The following ARHGEF26 variants were observed in gnomAD, a reference collection of about 807,000 sequenced individuals.
ARHGEF26 encodes the protein Rho guanine nucleotide exchange factor (GEF) 26.
A neutral mutation model predicts 89.4 loss-of-function variants in ARHGEF26; 59 were observed. The observed-to-expected ratio is 0.66, with a 90% confidence interval of 0.54 to 0.82. The LOEUF (loss-of-function observed/expected upper bound fraction) is 0.82, where lower values mean the gene tolerates loss of function less well. Ranked by LOEUF, ARHGEF26 falls within the 40% of genes least tolerant of loss-of-function variation. The pLI is 0.00. For missense variants in ARHGEF26, 1,234 were observed against 1,085.6 expected, an observed-to-expected ratio of 1.14 and a Z score of -1.92; for synonymous variants, 500 against 428.4, an observed-to-expected ratio of 1.17 and a Z score of -2.06.
intron 6 of ARHGEF26, among the ~76,000 whole-genome samples, chr3:154,161,330 G>GT (rs1559870114): frequency 2.0e-5 from 1 of 50,138 alleles, no homozygotes; most frequent in Non-Finnish European, 4.2e-5. Context: ...ATCCATTTTA[G>GT]TAACATGTTA....
intron 7 of ARHGEF26, 28 bp downstream of exon 7, chr3:154,187,865 AATC>A: frequency 6.3e-7 from 1 of 1,587,352 alleles, no homozygotes; most frequent in African/African-American, 1.3e-5. Flanking sequence ...CTACAGTTTT[AATC>A]ATCTAACCTA....
At chr3:154,216,492 A>AT (rs1428596973) in intron 9 of ARHGEF26, among the ~76,000 whole-genome samples, 9 of 128,984 alleles carry the variant, frequency 7.0e-5, no homozygotes, top group Admixed American at 2.3e-4. Flanking sequence ...TTTTTTTTTT[A>AT]TTTTTTTTTA....
In ARHGEF26 at chr3:154,152,784, G is replaced by T; in HGVS notation, c.1339G>T (p.Val447Phe). 6.6e-7 allele frequency: 1 copy of T among 1,520,222 alleles called. No individual in the cohort carries two copies. The highest frequency in any genetic ancestry group is 8.8e-7 in the Non-Finnish European group (1 of 1,133,066). The allele number at this position is 1,520,222 out of a possible 1,614,324, so 94.2% of individuals were successfully genotyped here. The part of the protein sequence containing the change: ...ERKRQEAIFE[V>F]ISSEHSYLLS... Reference sequence around the variant, plus strand: ...TCCTTCTTACCAGGCTATCTTTGAAGTCATATCCTCTGAACATTCATATTT... The same window carrying T: ...TCCTTCTTACCAGGCTATCTTTGAATTCATATCCTCTGAACATTCATATTT... Residue 447 changes from valine to phenylalanine, a missense_variant, in exon 6 of 15, where the codon GTC becomes TTC. Val to Phe is a conservative substitution (Grantham distance 50, BLOSUM62 -1). Coordinates refer to ENST00000465093, the MANE Select transcript of ARHGEF26 (RefSeq NM_015595.4).
At chr3:154,160,953 A>G (rs1231315665) in intron 6 of ARHGEF26, among the ~76,000 whole-genome samples, 1 of 152,146 alleles carries the variant, frequency 6.6e-6, no homozygotes, top group East Asian at 1.9e-4. Flanking sequence ...TCTTTACCCC[A>G]GCAGCAGGGC....
At chr3:154,170,952 T>G (rs1048144281) in intron 6 of ARHGEF26, among the ~76,000 whole-genome samples, 2 of 152,210 alleles carry the variant, frequency 1.3e-5, no homozygotes, top group African/African-American at 4.8e-5. Flanking sequence ...GATTGATTTC[T>G]TTTTCTTCTT....
chr3:154,124,620 C>A (rs11926938), intron 3 of ARHGEF26, among the ~76,000 whole-genome samples, 171 bp downstream of exon 3: 1,682 of 152,106 alleles, frequency 0.011, 25 homozygotes, highest in African/African-American at 0.038. Context: ...TCTAGTAATA[C>A]TAATGGTGAA....
chr3:154,154,330 G>T (rs1432494323), intron 6 of ARHGEF26, among the ~76,000 whole-genome samples: 1 of 152,004 alleles, frequency 6.6e-6, no homozygotes, highest in Non-Finnish European at 1.5e-5. Context: ...TAAAACCTCA[G>T]TGAGTACCAG....
chr3:154,251,472 T>C (rs754245585), intron 12 of ARHGEF26, among the ~76,000 whole-genome samples: 15 of 152,206 alleles, frequency 9.9e-5, no homozygotes, highest in Non-Finnish European at 2.2e-4. Context: ...AGCAGACATA[T>C]ACTGAGCCCC....
chr3:154,216,338 A>G (rs1576790416), intron 9 of ARHGEF26, among the ~76,000 whole-genome samples: 1 of 152,068 alleles, frequency 6.6e-6, no homozygotes, highest in South Asian at 2.1e-4. Context: ...ACGACTGTGA[A>G]AGTCCTTTAT....
At chr3:154,235,316 T>A (rs1027236340) in intron 11 of ARHGEF26, among the ~76,000 whole-genome samples, 1 of 152,210 alleles carries the variant, frequency 6.6e-6, no homozygotes, top group Non-Finnish European at 1.5e-5. Context: ...CCTGTTAAGT[T>A]TAATCCATAT....
chr3:154,159,456 A>T (rs1267274252), intron 6 of ARHGEF26, among the ~76,000 whole-genome samples: 1 of 152,130 alleles, frequency 6.6e-6, no homozygotes, highest in Non-Finnish European at 1.5e-5. Flanking sequence ...AGTGAATGCC[A>T]AATTCTCTGG....
chr3:154,217,900 A>G lies in ARHGEF26; in HGVS notation c.1877A>G (p.Lys626Arg). The stretch of plus-strand genomic sequence containing the variant: ...CGACTATGCAATGAGGGCGCCCGGA[A>G]GATGGAAAGGACTGAGATGATGTAC... ...LVRLCNEGARKMERTEMMYTI... is the reference protein window; with the variant it reads ...LVRLCNEGARRMERTEMMYTI... The change falls in exon 10 of 15, where the codon AAG becomes AGG. Residue 626 changes from lysine (K) to arginine (R), a missense_variant. Physicochemically the swap from Lys to Arg is conservative, Grantham distance 26. Coordinates refer to ENST00000465093, the MANE Select transcript of ARHGEF26 (RefSeq NM_015595.4). The G allele has an allele frequency of 6.2e-7, 1 of 1,603,300 alleles. No individual in the cohort carries two copies. Among genetic ancestry groups the G allele is most frequent in the Non-Finnish European group, 8.5e-7 (1 of 1,174,708 alleles).
intron 6 of ARHGEF26, among the ~76,000 whole-genome samples, chr3:154,181,602 A>G (rs1230789942): frequency 6.6e-6 from 1 of 152,164 alleles, no homozygotes; most frequent in African/African-American, 2.4e-5. Flanking sequence ...TCTCTCTGTC[A>G]TCCTTCTGAA....
At position 154,141,062 on chromosome 3, in the gene ARHGEF26, C is replaced by T. The variant is rs542339817; in HGVS notation, c.1270-8327C>T. 5.9e-5 allele frequency among the ~76,000 whole-genome samples: 9 copies of T among 151,642 alleles called. No homozygotes were observed. The South Asian group carries it at 6.3e-4, about 11-fold the overall frequency. ...CTGCCAGCTCCGCCTCCTGGGTTCA[C>T]GCAGTTCTCCTGCCTCAGCCTCCTG... On this transcript the variant is annotated intron_variant, in intron 4 of 14. Transcript: ENST00000465093.
chr3:154,216,789 G>T (rs1715781117), intron 9 of ARHGEF26, among the ~76,000 whole-genome samples: 1 of 70,152 alleles, frequency 1.4e-5, no homozygotes, highest in Non-Finnish European at 2.7e-5. Flanking sequence ...GCGGTGTTTG[G>T]TTTTTTGTTC....
chr3:154,171,516 C>T (rs562075374), intron 6 of ARHGEF26, among the ~76,000 whole-genome samples: 2 of 152,212 alleles, frequency 1.3e-5, no homozygotes, highest in Non-Finnish European at 2.9e-5. Flanking sequence ...CTGTGTTCCA[C>T]CTGTTCATCC....
intron 9 of ARHGEF26, among the ~76,000 whole-genome samples, chr3:154,200,521 T>C (rs1490115397): frequency 1.3e-5 from 2 of 152,158 alleles, no homozygotes; most frequent in Non-Finnish European, 2.9e-5. Flanking sequence ...TCTTTTTGCT[T>C]AGGACAGCTT....
At position 154,191,381 on chromosome 3, in the gene ARHGEF26, C is replaced by A; in HGVS notation, c.1733C>A (p.Pro578His). 6.2e-7 allele frequency: 1 copy of A among 1,613,858 alleles called. No individual in the cohort carries two copies. The highest frequency in any genetic ancestry group is 2.2e-5 in the East Asian group (1 of 44,878). Reference protein sequence around the residue: ...NLPMISFLILPMQRVTRLPLL... With the variant: ...NLPMISFLILHMQRVTRLPLL... Reference sequence around the variant, plus strand: ...CCCATGATCTCTTTTCTCATTCTCCCCATGCAGAGGGTGACCCGCCTTCCC... The same window carrying A: ...CCCATGATCTCTTTTCTCATTCTCCACATGCAGAGGGTGACCCGCCTTCCC... The change falls in exon 8 of 15, where the codon CCC (proline) becomes CAC (histidine). Residue 578 changes from proline (P) to histidine (H), a missense_variant. Physicochemically the swap from Pro to His is moderately conservative, Grantham distance 77. Coordinates refer to ENST00000465093, the MANE Select transcript of ARHGEF26 (RefSeq NM_015595.4).
intron 9 of ARHGEF26, among the ~76,000 whole-genome samples, chr3:154,203,116 T>C (rs994255487): frequency 1.3e-5 from 2 of 152,196 alleles, no homozygotes; most frequent in Non-Finnish European, 2.9e-5. Flanking sequence ...GCCCATTCAG[T>C]ATGATATTGG....
Sources: allele counts gnomAD v4.1 joint callset (sites outside exome capture counted in the v4.1 genomes callset), GRCh38; gene constraint gnomAD v4.1.1; transcripts MANE v1.5; gene names NCBI Gene and HGNC (gene_info 2026-07-23, HGNC 2026-07-21).